GAS6: variants seen among roughly 807,000 people sequenced by gnomAD.
The protein encoded by GAS6 is growth arrest-specific protein 6.
A neutral mutation model predicts 75.8 loss-of-function variants in GAS6; 41 were observed. That is an observed-to-expected ratio of 0.54 (90% CI 0.42 to 0.70). The LOEUF is 0.70. GAS6 is among the 30% of genes least tolerant of loss of function. The pLI, the probability that GAS6 is intolerant of heterozygous loss-of-function variation, is 0.00. For missense variants in GAS6, 854 were observed against 940.2 expected (o/e 0.91, Z 1.20); for synonymous variants, 432 against 412.6 (o/e 1.05, Z -0.57).
At chr13:113,859,004 A>C (rs2051944443) in intron 2 of GAS6, among the ~76,000 whole-genome samples, 1 of 150,614 alleles carries the variant, frequency 6.6e-6, no homozygotes, top group African/African-American at 2.5e-5. Context: ...GTATGTATAC[A>C]TGTCTGTTAG....
chr13:113,864,034 C>T lies in GAS6; in HGVS notation c.-114G>A. 1.0e-6 allele frequency: 1 copy of T among 959,526 alleles called. No homozygotes were observed. Among genetic ancestry groups the T allele is most frequent in the Non-Finnish European group, 1.2e-6 (1 of 803,274 alleles). The allele number at this position is 959,526 out of a possible 1,614,324, so 59.4% of individuals were successfully genotyped here. ...GGCGGCCCTGAAGGTCACATCGCGG[C>T]GGCGGCGGCGGCGGCGGCTGCGGCA... is the stretch of plus-strand genomic sequence containing the variant. On this transcript the variant is annotated 5_prime_UTR_variant, in exon 1 of 15. Coordinates refer to ENST00000327773, the MANE Select transcript of GAS6 (RefSeq NM_000820.4).
intron 12 of GAS6, among the ~76,000 whole-genome samples, chr13:113,825,849 G>A (rs926539606): frequency 2.6e-5 from 4 of 152,174 alleles, no homozygotes; most frequent in African/African-American, 4.8e-5. Context: ...ATCTGGCTCA[G>A]GACGGGGCAG....
chr13:113,833,666 C>T (rs539002870), intron 8 of GAS6: 73 of 983,770 alleles, frequency 7.4e-5, no homozygotes, highest in African/African-American at 2.1e-4. Context: ...TGTGACAGGT[C>T]GGTGTGACAG....
chr13:113,853,230 A>G (rs181012062), intron 2 of GAS6, among the ~76,000 whole-genome samples: 99 of 152,332 alleles, frequency 6.5e-4, no homozygotes, highest in African/African-American at 2.2e-3. Flanking sequence ...TCAGTTTGGA[A>G]GGTTCCAGAA....
At chr13:113,836,168 CAG>C (rs1343420681) in intron 6 of GAS6, 9 of 492,952 alleles carry the variant, frequency 1.8e-5, no homozygotes, top group Non-Finnish European at 2.2e-5. Context: ...CTTTAGTCAC[CAG>C]AGGAGAGCAA....
chr13:113,852,478 C>A (rs1380579073), intron 2 of GAS6, among the ~76,000 whole-genome samples: 1 of 152,160 alleles, frequency 6.6e-6, no homozygotes, highest in Non-Finnish European at 1.5e-5. Context: ...AGGACAGGAG[C>A]CTGGTCTGGC....
chr13:113,858,594 C>T lies in GAS6; in HGVS notation c.255+4981G>A, dbSNP rs574112743. On this transcript the variant is annotated intron_variant, in intron 2 of 14. Coordinates refer to ENST00000327773, the MANE Select transcript of GAS6 (RefSeq NM_000820.4). Reference sequence around the variant, plus strand: ...GTGCATGTCTGTGTGTGACTGTGTACGTATGTGTACATGTCTGTGTGTGCC... The same window carrying T: ...GTGCATGTCTGTGTGTGACTGTGTATGTATGTGTACATGTCTGTGTGTGCC... Among the ~76,000 whole-genome samples the T allele has an allele frequency of 4.4e-5, 6 of 134,860 alleles. 1 individual carries two copies. Among genetic ancestry groups the T allele is most frequent in the South Asian group, 2.5e-4 (1 of 4,054 alleles). The allele number at this position is 134,860 out of a possible 152,430, so 88.5% of individuals were successfully genotyped here.
intron 10 of GAS6, among the ~76,000 whole-genome samples, chr13:113,829,148 G>C (rs2051593483): frequency 9.9e-6 from 1 of 101,414 alleles, no homozygotes; most frequent in Non-Finnish European, 1.8e-5. Context: ...ACCTCAGGGA[G>C]ACCACCTGAT....
At position 113,845,991 on chromosome 13, in the gene GAS6, G is replaced by A. The variant is rs1008109715; in HGVS notation, c.343+536C>T. On this transcript the variant is annotated intron_variant, in intron 4 of 14. Coordinates refer to ENST00000327773, the MANE Select transcript of GAS6 (RefSeq NM_000820.4). This position sits in a 1 kb window ranked among gnomAD's most constrained non-coding sequence, Gnocchi z 4.3. The stretch of plus-strand genomic sequence containing the variant: ...GGCAACAGGTGCATGAGGATGTCAC[G>A]CCAGTTTTGTTTAAATGATGGAAAT... Among the ~76,000 whole-genome samples the A allele has an allele frequency of 2.0e-5, 3 of 152,206 alleles. No individual in the cohort carries two copies. Among genetic ancestry groups the A allele is most frequent in the African/African-American group, 4.8e-5 (2 of 41,456 alleles).
chr13:113,847,209 C>T (rs78100337), intron 3 of GAS6: 4,956 of 282,394 alleles, frequency 0.018, 271 homozygotes, highest in African/African-American at 0.11. Flanking sequence ...AGGCCTCCTG[C>T]AGGTGTGCTG....
intron 3 of GAS6, among the ~76,000 whole-genome samples, chr13:113,847,234 C>A (rs142407156): frequency 1.3e-5 from 2 of 152,230 alleles, no homozygotes; most frequent in African/African-American, 4.8e-5. Context: ...CCGCTGGCCA[C>A]CCCCTGCTTC....
rs974897509 is a variant in GAS6, at chr13:113,839,568, A to C, written c.466+160T>G. 3.4e-6 allele frequency: 3 copies of C among 894,878 alleles called. No homozygotes were observed. The African/African-American group carries it at 5.1e-5, about 15-fold the overall frequency. 55.4% of individuals were successfully genotyped at this position (894,878 alleles called of 1,614,324 possible). A position where few individuals can be genotyped will look rare whatever the true frequency, so the allele number is the denominator to read the frequency against. ...AGAAAGGAGACTGCAGCTCCTCCCA[A>C]TTCTCCTGGGGCTCCAGGATACCTC... On this transcript the variant is annotated intron_variant, in intron 5 of 14. Coordinates refer to ENST00000327773, the MANE Select transcript of GAS6 (RefSeq NM_000820.4).
At position 113,822,180 on chromosome 13, in the gene GAS6, C is replaced by A; in HGVS notation, c.1660G>T (p.Val554Phe). The A allele has an allele frequency of 1.3e-6, 2 of 1,546,792 alleles. No individual in the cohort carries two copies. Among genetic ancestry groups the A allele is most frequent in the South Asian group, 2.4e-5 (2 of 83,002 alleles). Residue 554 changes from valine to phenylalanine, a missense_variant, in exon 14 of 15, where the codon GTC (valine) becomes TTC (phenylalanine). Physicochemically the swap from Val to Phe is conservative, Grantham distance 50. Transcript: ENST00000327773. The stretch of plus-strand genomic sequence containing the variant: ...AAGGCCGTATGCTCCACGGCCAGGA[C>A]CACCAGCTGCAGGAGACCGAGGTGT... ...STKKLKKQLV[V>F]LAVEHTALAL...
At position 113,858,250 on chromosome 13, in the gene GAS6, G is replaced by A. The variant is rs556136458; in HGVS notation, c.255+5325C>T. Among the ~76,000 whole-genome samples the A allele has an allele frequency of 1.1e-4, 16 of 152,358 alleles. No individual in the cohort carries two copies. In the East Asian group the frequency reaches 3.1e-3, roughly 29 times the overall value. Reference sequence around the variant, plus strand: ...CATGCATGTGGCTGGGCATCCATGTGTGCCTGTGTGTGTATATGTGTCTAT... The same window carrying A: ...CATGCATGTGGCTGGGCATCCATGTATGCCTGTGTGTGTATATGTGTCTAT... On this transcript the variant is annotated intron_variant, in intron 2 of 14. Transcript: ENST00000327773.
intron 12 of GAS6, among the ~76,000 whole-genome samples, chr13:113,825,234 CAAAAAAAAAAA>C (rs71105207): frequency 1.7e-5 from 1 of 58,370 alleles, no homozygotes; most frequent in Non-Finnish European, 3.2e-5. Context: ...AACTCCGTCT[CAAAAAAAAAAA>C]AAAAAAAAAA....
At chr13:113,835,716 C>T in intron 6 of GAS6, 81 bp from the exon 7 acceptor site, 2 of 1,552,338 alleles carry the variant, frequency 1.3e-6, no homozygotes, top group Non-Finnish European at 1.7e-6. Context: ...AGGGACTGGC[C>T]AGGGCACCAC....
chr13:113,830,944 T>C (rs1008298070), intron 10 of GAS6, among the ~76,000 whole-genome samples: 4 of 152,392 alleles, frequency 2.6e-5, no homozygotes, highest in African/African-American at 9.6e-5. Context: ...TTGGAGATAC[T>C]GCTCCTTTAA....
intron 14 of GAS6, 194 bp downstream of exon 14, chr13:113,821,764 C>A: frequency 1.8e-6 from 1 of 567,190 alleles, no homozygotes; most frequent in South Asian, 2.3e-5. Context: ...CAGTCTCAGC[C>A]AATGACCTGA....
intron 2 of GAS6, among the ~76,000 whole-genome samples, chr13:113,854,021 C>T (rs1234483534): frequency 1.3e-5 from 2 of 152,238 alleles, no homozygotes; most frequent in African/African-American, 2.4e-5. Context: ...CCAGGCTGAC[C>T]TGGAGGGAGA....
Sources: allele counts gnomAD v4.1 joint callset (sites outside exome capture counted in the v4.1 genomes callset), GRCh38; gene constraint gnomAD v4.1.1; non-coding constraint Gnocchi (gnomAD v3.1); transcripts MANE v1.5; gene names NCBI Gene and HGNC (gene_info 2026-07-23, HGNC 2026-07-21).